VPS13A: variants seen among roughly 807,000 people sequenced by gnomAD.
VPS13A encodes intermembrane lipid transfer protein VPS13A.
A neutral mutation model predicts 390.9 loss-of-function variants in VPS13A; 264 were observed. That is an observed-to-expected ratio of 0.68 (90% CI 0.61 to 0.75). VPS13A has a LOEUF of 0.75. Ranked by LOEUF, VPS13A falls within the 30% of genes least tolerant of loss-of-function variation. VPS13A has a pLI of 0.00. For missense variants in VPS13A, 3,409 were observed against 3,733.9 expected, an observed-to-expected ratio of 0.91 and a Z score of 2.27; for synonymous variants, 1,231 against 1,227.1, an observed-to-expected ratio of 1.00 and a Z score of -0.07.
intron 53 of VPS13A, among the ~76,000 whole-genome samples, chr9:77,352,573 TATATC>T (rs1302933225): frequency 6.6e-6 from 1 of 152,182 alleles, no homozygotes; most frequent in Non-Finnish European, 1.5e-5. Context: ...TTTGCATATT[TATATC>T]ATAGTGATAG....
intron 7 of VPS13A, chr9:77,211,580 A>C (rs887988597): frequency 6.6e-6 from 1 of 152,222 alleles, no homozygotes; most frequent in African/African-American, 2.4e-5. Flanking sequence ...GAGAGACTCC[A>C]CAGTTTCTTT....
At chr9:77,252,430 TCTTC>T in intron 22 of VPS13A, 78 bp downstream of exon 22, 1 of 1,155,246 alleles carries the variant, frequency 8.7e-7, no homozygotes, top group Middle Eastern at 1.9e-4. Flanking sequence ...CTTAACTGAC[TCTTC>T]CTTGTGTGTG....
intron 9 of VPS13A, among the ~76,000 whole-genome samples, chr9:77,213,788 G>C (rs1445136371): frequency 6.6e-6 from 1 of 152,044 alleles, no homozygotes; most frequent in Non-Finnish European, 1.5e-5. Flanking sequence ...ACAGGTGTGA[G>C]CCACTGCACC....
intron 2 of VPS13A, among the ~76,000 whole-genome samples, chr9:77,200,708 T>C (rs925616872): frequency 6.6e-6 from 1 of 152,148 alleles, no homozygotes; most frequent in African/African-American, 2.4e-5. Flanking sequence ...TTTAATCTGA[T>C]AAAGACTAGT....
chr9:77,202,171 A>T (rs1825369078), intron 3 of VPS13A, among the ~76,000 whole-genome samples: 1 of 152,120 alleles, frequency 6.6e-6, no homozygotes. Flanking sequence ...CTTCATAATT[A>T]TGTGTACTTA....
chr9:77,303,154 A>G, intron 34 of VPS13A, 92 bp downstream of exon 34: 1 of 1,296,342 alleles, frequency 7.7e-7, no homozygotes, highest in Non-Finnish European at 1.1e-6. Flanking sequence ...GAATTTGTAT[A>G]TACATAATCA....
At chr9:77,239,736 A>G (rs980192794) in intron 19 of VPS13A, among the ~76,000 whole-genome samples, 1 of 151,962 alleles carries the variant, frequency 6.6e-6, no homozygotes, top group Non-Finnish European at 1.5e-5. Context: ...GCTTATGTCT[A>G]ACATCCTATT....
At chr9:77,357,929 T>C (rs1831908672) in intron 56 of VPS13A, 91 bp downstream of exon 56, 1 of 1,195,838 alleles carries the variant, frequency 8.4e-7, no homozygotes, top group South Asian at 1.4e-5. Context: ...TTATCTAGTA[T>C]TCAGTTTCAA....
chr9:77,370,868 T>A (rs1414530258), intron 65 of VPS13A, 22 bp from the exon 66 acceptor site: 1 of 1,612,322 alleles, frequency 6.2e-7, no homozygotes. Flanking sequence ...ATTGTAAATT[T>A]TCAGTTGTGT....
intron 3 of VPS13A, 104 bp from the exon 4 acceptor site, chr9:77,205,209 C>T (rs1825566804): frequency 2.1e-6 from 1 of 481,222 alleles, no homozygotes; most frequent in Non-Finnish European, 3.5e-6. Context: ...GGACAAAGGC[C>T]ACTTTATTAT....
chr9:77,265,551 C>A (rs1338659797), intron 23 of VPS13A, among the ~76,000 whole-genome samples: 1 of 152,106 alleles, frequency 6.6e-6, no homozygotes, highest in East Asian at 1.9e-4. Context: ...AGGAATTTAT[C>A]CATTTCTTCT....
intron 2 of VPS13A, 131 bp downstream of exon 2, chr9:77,200,119 A>C: frequency 3.8e-6 from 3 of 786,748 alleles, no homozygotes; most frequent in Non-Finnish European, 6.1e-6. Context: ...GCAAAATGTA[A>C]ATTTTGCTAA....
intron 52 of VPS13A, among the ~76,000 whole-genome samples, chr9:77,347,505 C>T (rs1196650617): frequency 6.6e-6 from 1 of 151,992 alleles, no homozygotes; most frequent in East Asian, 1.9e-4. Flanking sequence ...GAGACAGTGT[C>T]TCAATCTGTT....
intron 17 of VPS13A, among the ~76,000 whole-genome samples, chr9:77,230,935 A>G (rs1007315327): frequency 6.6e-6 from 1 of 152,154 alleles, no homozygotes; most frequent in Non-Finnish European, 1.5e-5. Context: ...AACGTTTTAC[A>G]GTTTTCAGAT....
At chr9:77,374,653 C>T (rs1051054533) in intron 67 of VPS13A, among the ~76,000 whole-genome samples, 5 of 152,110 alleles carry the variant, frequency 3.3e-5, no homozygotes, top group African/African-American at 7.2e-5. Context: ...TGTGGATAAG[C>T]GGATACTAGT....
chr9:77,384,567 C>T, intron 68 of VPS13A: 2 of 1,611,068 alleles, frequency 1.2e-6, no homozygotes, highest in South Asian at 1.1e-5. Flanking sequence ...CTTCTTTTTT[C>T]CTTTGCCATG....
At chr9:77,280,826 A>G (rs1050597875) in intron 27 of VPS13A, among the ~76,000 whole-genome samples, 2 of 152,200 alleles carry the variant, frequency 1.3e-5, no homozygotes, top group Admixed American at 6.5e-5. Flanking sequence ...ATTATTGACT[A>G]GATGTCTTAA....
intron 53 of VPS13A, among the ~76,000 whole-genome samples, chr9:77,351,845 G>C (rs1354474105): frequency 6.6e-6 from 1 of 152,130 alleles, no homozygotes; most frequent in African/African-American, 2.4e-5. Flanking sequence ...CTCCAGCCTG[G>C]CGACAGAGCA....
At chr9:77,226,262 TATAAG>T (rs1157455752) in intron 14 of VPS13A, among the ~76,000 whole-genome samples, 199 bp from the exon 15 acceptor site, 1 of 152,154 alleles carries the variant, frequency 6.6e-6, no homozygotes, top group African/African-American at 2.4e-5. Flanking sequence ...CATCATTTCT[TATAAG>T]ATGGTGGAAA....
Sources: gnomAD v4.1 joint callset for allele counts (sites outside exome capture counted in the v4.1 genomes callset) on GRCh38, gnomAD v4.1.1 for gene constraint, MANE v1.5 for transcripts, NCBI Gene and HGNC (gene_info 2026-07-23, HGNC 2026-07-21) for gene names.